Variants in GNA14 observed in about 807,000 individuals in gnomAD.
GNA14 encodes the protein G protein subunit alpha 14.
Under a neutral mutation model 42.0 loss-of-function variants are expected in GNA14, and 50 were observed. The observed-to-expected ratio is 1.19, with a 90% CI of 0.95 to 1.51. The LOEUF is 1.51. GNA14 is among the 40% of genes most tolerant of loss of function. The pLI, the probability that GNA14 is intolerant of heterozygous loss-of-function variation, is 0.00. For missense variants in GNA14, 473 were observed against 446.2 expected (o/e 1.06, Z -0.54); for synonymous variants, 173 against 163.1 (o/e 1.06, Z -0.46).
Position 77,434,145 on chromosome 9 carries a change from G to A in GNA14, c.464+223C>T, listed in dbSNP as rs148513684. Among the ~76,000 whole-genome samples, 890 of 152,268 alleles carry A rather than the reference G, an allele frequency of 5.8e-3. 13 individuals are homozygous for A. The highest frequency in any genetic ancestry group is 0.021 in the African/African-American group (853 of 41,540). ...GGCTTAGAACACAGCAAGAGCAGGC[G>A]GGTGTCGGCAGGAAGAGAGGTCTGC... On this transcript the variant is annotated intron_variant, in intron 3 of 6. Transcript: ENST00000341700.
chr9:77,513,238 G>A (rs1190144157), intron 2 of GNA14, among the ~76,000 whole-genome samples: 2 of 152,122 alleles, frequency 1.3e-5, no homozygotes, highest in African/African-American at 4.8e-5. Context: ...ACTACACAAG[G>A]CCTTGAATCA....
At chr9:77,447,633 AGGAC>A (rs1417260680) in intron 2 of GNA14, among the ~76,000 whole-genome samples, 2 of 118,586 alleles carry the variant, frequency 1.7e-5, no homozygotes, top group Non-Finnish European at 3.8e-5. Flanking sequence ...AGGGGTGGGG[AGGAC>A]TCTCCTCCAC....
chr9:77,447,371 A>T (rs1293533160), intron 2 of GNA14, among the ~76,000 whole-genome samples: 3 of 152,178 alleles, frequency 2.0e-5, no homozygotes, highest in Non-Finnish European at 4.4e-5. Context: ...TCTTATACAT[A>T]AACTTTCTAA....
intron 1 of GNA14, among the ~76,000 whole-genome samples, chr9:77,552,126 C>CAAA (rs34493872): frequency 3.8e-4 from 32 of 85,086 alleles, no homozygotes; most frequent in African/African-American, 1.2e-3. Context: ...AACTCCATCT[C>CAAA]AAAAAAAAAA....
chr9:77,522,025 C>T (rs1837365655), intron 2 of GNA14, among the ~76,000 whole-genome samples: 1 of 152,130 alleles, frequency 6.6e-6, no homozygotes, highest in African/African-American at 2.4e-5. Context: ...TTAATAGAGA[C>T]AGGGCTTCAC....
rs371408287 is a variant in GNA14 at position 77,608,804 on chromosome 9, G to A, written c.124+38866C>T. Among the ~76,000 whole-genome samples the A allele has an allele frequency of 2.2e-3, 312 of 141,458 alleles. 1 individual carries two copies. The highest frequency in any genetic ancestry group is 3.6e-3 in the Non-Finnish European group (241 of 66,394). 92.8% of individuals were successfully genotyped at this position (141,458 alleles called of 152,430 possible). On this transcript the variant is annotated intron_variant, in intron 1 of 6. Coordinates refer to ENST00000341700, the MANE Select transcript of GNA14 (RefSeq NM_004297.4). The stretch of plus-strand genomic sequence containing the variant: ...TTTAATTTCCCCATAGCACCTTGGC[G>A]ATGGCCCAACATCCTTCTTTCAGTC...
rs781037090 is a variant in GNA14 at position 77,434,409 on chromosome 9, G to T, written c.423C>A (p.Tyr141Ter). The T allele has an allele frequency of 1.2e-6, 2 of 1,614,086 alleles. No individual in the cohort carries two copies. Among genetic ancestry groups the T allele is most frequent in the African/African-American group, 1.3e-5 (1 of 75,032 alleles). ...ACAGCTGGTACTCCCTCCTCCTGTC[G>T]TAACACTCCTGGATGCCTGGATCTT... is the stretch of plus-strand genomic sequence containing the variant. ...LWQDPGIQEC[Y>*]DRRREYQLSD... The change falls in exon 3 of 7, where the codon TAC becomes TAA. Residue 141 changes from tyrosine (Y) to a stop codon, truncating the protein, a stop_gained. Coordinates refer to ENST00000341700, the MANE Select transcript of GNA14 (RefSeq NM_004297.4). LOFTEE classifies it high-confidence loss of function.
intron 6 of GNA14, 68 bp from the exon 7 acceptor site, chr9:77,424,237 T>C: frequency 8.8e-7 from 1 of 1,132,688 alleles, no homozygotes. Flanking sequence ...AGAACCTTTT[T>C]TTTGAGACAG....
intron 2 of GNA14, among the ~76,000 whole-genome samples, chr9:77,508,420 G>T (rs1171456720): frequency 1.3e-5 from 2 of 152,128 alleles, no homozygotes; most frequent in Non-Finnish European, 2.9e-5. Context: ...GATGAGGTGG[G>T]GTGGACAAAG....
At chr9:77,604,303 A>G (rs181007986) in intron 1 of GNA14, among the ~76,000 whole-genome samples, 1 of 152,314 alleles carries the variant, frequency 6.6e-6, no homozygotes, top group Admixed American at 6.5e-5. Context: ...GAGAAAATCA[A>G]CTATCCGGTA....
At chr9:77,529,471 C>A (rs1227544744) in intron 1 of GNA14, among the ~76,000 whole-genome samples, 1 of 152,128 alleles carries the variant, frequency 6.6e-6, no homozygotes, top group Non-Finnish European at 1.5e-5. Context: ...GAAATGCTTC[C>A]CCACATCCTT....
intron 1 of GNA14, among the ~76,000 whole-genome samples, chr9:77,595,915 T>C (rs1318020980): frequency 6.6e-6 from 1 of 152,012 alleles, no homozygotes; most frequent in Admixed American, 6.5e-5. Flanking sequence ...ATGAGTCCTT[T>C]GGAAGATTGC....
chr9:77,588,736 A>C (rs1823343954), intron 1 of GNA14, among the ~76,000 whole-genome samples: 1 of 152,210 alleles, frequency 6.6e-6, no homozygotes, highest in Non-Finnish European at 1.5e-5. Flanking sequence ...TCCTACTGTC[A>C]AACCTGAATC....
chr9:77,527,826 G>A (rs1256460296), intron 2 of GNA14, among the ~76,000 whole-genome samples: 1 of 152,102 alleles, frequency 6.6e-6, no homozygotes, highest in Non-Finnish European at 1.5e-5. Context: ...GTAGAGACGG[G>A]GTTTCACTAT....
rs148714107 is a variant in GNA14, at chr9:77,622,669, G to A, written c.124+25001C>T. Among the ~76,000 whole-genome samples the A allele has an allele frequency of 4.4e-3, 651 of 148,148 alleles. 3 individuals are homozygous for A. The highest frequency in any genetic ancestry group is 7.2e-3 in the Middle Eastern group (2 of 278). On this transcript the variant is annotated intron_variant, in intron 1 of 6. Coordinates refer to ENST00000341700, the MANE Select transcript of GNA14 (RefSeq NM_004297.4). Reference sequence around the variant, plus strand: ...TGGGAGGCTGAGGCAGGCAGATCACGAAGTCAGGAGATTGAGACCATCCTG... The same window carrying A: ...TGGGAGGCTGAGGCAGGCAGATCACAAAGTCAGGAGATTGAGACCATCCTG...
At chr9:77,428,083 C>CTT (rs975674188) in intron 5 of GNA14, among the ~76,000 whole-genome samples, 5 of 114,722 alleles carry the variant, frequency 4.4e-5, no homozygotes, top group Non-Finnish European at 3.8e-5. Context: ...TTTTTTTTTT[C>CTT]TTTTTTTTTT....
At chr9:77,509,645 T>A (rs978725465) in intron 2 of GNA14, among the ~76,000 whole-genome samples, 1 of 152,226 alleles carries the variant, frequency 6.6e-6, no homozygotes, top group African/African-American at 2.4e-5. Context: ...CACCAGTGGA[T>A]GCTAATGGGT....
At chr9:77,496,735 T>C (rs1836876833) in intron 2 of GNA14, among the ~76,000 whole-genome samples, 1 of 152,212 alleles carries the variant, frequency 6.6e-6, no homozygotes, top group African/African-American at 2.4e-5. Context: ...AGATTAACAA[T>C]GTACCTCTTC....
chr9:77,588,053 C>T (rs1823332506), intron 1 of GNA14, among the ~76,000 whole-genome samples: 2 of 152,268 alleles, frequency 1.3e-5, no homozygotes, highest in South Asian at 4.1e-4. Flanking sequence ...GTCATCACAT[C>T]GTCTTCTCTG....
Sources: allele counts gnomAD v4.1 joint callset (sites outside exome capture counted in the v4.1 genomes callset), GRCh38; gene constraint gnomAD v4.1.1; transcripts MANE v1.5; gene names NCBI Gene and HGNC (gene_info 2026-07-23, HGNC 2026-07-21).